Variants in COL5A2 observed in about 807,000 individuals in gnomAD.
The protein encoded by COL5A2 is collagen type V alpha 2 chain.
In COL5A2, 23 loss-of-function variants were observed where a neutral mutation model predicts 208.2. That is an observed-to-expected ratio of 0.11 (90% CI 0.08 to 0.16). COL5A2 has a LOEUF of 0.16. COL5A2 is among the 10% of genes least tolerant of loss of function. The pLI, the probability that COL5A2 is intolerant of heterozygous loss-of-function variation, is 1.00. For missense variants in COL5A2, 1,590 were observed against 1,956.4 expected, an observed-to-expected ratio of 0.81 and a Z score of 3.53; for synonymous variants, 625 against 628.5, an observed-to-expected ratio of 0.99 and a Z score of 0.08.
At chr2:189,353,442 T>C in the COL5A2 span, among the ~76,000 whole-genome samples, 1 of 152,230 alleles carries the variant, frequency 6.6e-6, no homozygotes, top group Non-Finnish European at 1.5e-5. Flanking sequence ...TTTTTCCATT[T>C]GTTTGTGTCC....
chr2:189,230,832 A>C, the COL5A2 span, among the ~76,000 whole-genome samples: 1 of 151,942 alleles, frequency 6.6e-6, no homozygotes, highest in Admixed American at 6.6e-5. Flanking sequence ...CAGTCAGTTC[A>C]CTTCTGGATA....
chr2:189,206,250 A>C (rs1471947989), intron 1 of COL5A2, among the ~76,000 whole-genome samples: 1 of 152,180 alleles, frequency 6.6e-6, no homozygotes, highest in African/African-American at 2.4e-5. Flanking sequence ...AACAGCCAAG[A>C]CTGAACCAAC....
At chr2:189,289,014 C>T in the COL5A2 span, among the ~76,000 whole-genome samples, 1 of 152,136 alleles carries the variant, frequency 6.6e-6, no homozygotes, top group Non-Finnish European at 1.5e-5. Context: ...ATCCATTTCG[C>T]TGAAAGTTTC....
In COL5A2 at chr2:189,058,450, T is replaced by C. The variant is rs1433077033; in HGVS notation, c.2208A>G (p.Gly736=). ...TTACTTTTGGGCCATCAGGACCATGTCCTCCAGCCATTCCCTTCTCACCAG... is the reference window on the plus strand; with the variant it reads ...TTACTTTTGGGCCATCAGGACCATGCCCTCCAGCCATTCCCTTCTCACCAG... ...GLPGEKGMAG[G]HGPDGPKGSP... Residue 736 remains glycine, a synonymous_variant, in exon 33 of 54, where the codon GGA becomes GGG. Transcript: ENST00000374866. The C allele has an allele frequency of 6.2e-7, 1 of 1,614,020 alleles. No homozygotes were observed. Among genetic ancestry groups the C allele is most frequent in the Non-Finnish European group, 8.5e-7 (1 of 1,179,900 alleles).
the COL5A2 span, among the ~76,000 whole-genome samples, chr2:189,314,008 C>A: frequency 1.3e-5 from 2 of 152,144 alleles, no homozygotes; most frequent in Non-Finnish European, 2.9e-5. Flanking sequence ...AACTTTAACA[C>A]CCCACCAACA....
chr2:189,232,338 C>T, the COL5A2 span, among the ~76,000 whole-genome samples: 1 of 151,610 alleles, frequency 6.6e-6, no homozygotes, highest in Non-Finnish European at 1.5e-5. Context: ...GCCATTTCTT[C>T]CATACCTCAC....
At chr2:189,191,163 C>CCAAAAAAAAAAAAAAAAAAAAAAAAA (rs748055610) in intron 1 of COL5A2, among the ~76,000 whole-genome samples, 14 of 72,286 alleles carry the variant, frequency 1.9e-4, no homozygotes, top group East Asian at 6.0e-4. Flanking sequence ...AAAAAACAAA[C>CCAAAAAAAAAAAAAAAAAAAAAAAAA]AAACAACAAA....
chr2:189,425,107 A>T, the COL5A2 span, among the ~76,000 whole-genome samples: 7 of 152,200 alleles, frequency 4.6e-5, no homozygotes, highest in Non-Finnish European at 7.4e-5. Flanking sequence ...CAAAGAAGGA[A>T]ATTAGACTCT....
At chr2:189,385,839 A>G in the COL5A2 span, among the ~76,000 whole-genome samples, 1 of 152,136 alleles carries the variant, frequency 6.6e-6, no homozygotes, top group Admixed American at 6.6e-5. Context: ...AGTACCAGGT[A>G]GACAAAAATA....
upstream of COL5A2, among the ~76,000 whole-genome samples, chr2:189,181,693 T>A (rs1688782600): frequency 6.6e-6 from 1 of 152,206 alleles, no homozygotes; most frequent in African/African-American, 2.4e-5. Context: ...ATGCTGGAGA[T>A]AAAACAATGA....
intron 1 of COL5A2, among the ~76,000 whole-genome samples, chr2:189,127,394 C>G (rs1687627883): frequency 6.6e-6 from 1 of 151,944 alleles, no homozygotes; most frequent in Non-Finnish European, 1.5e-5. Flanking sequence ...ATTTGCAGCT[C>G]TAACTAATAG....
chr2:189,183,183 A>G (rs934330053), upstream of COL5A2, among the ~76,000 whole-genome samples: 1 of 152,002 alleles, frequency 6.6e-6, no homozygotes, highest in African/African-American at 2.4e-5. Context: ...TTGTTGATAA[A>G]CCCAAAGATC....
At chr2:189,180,201 C>T (rs1201437596), upstream of COL5A2, among the ~76,000 whole-genome samples, 1 of 152,106 alleles carries the variant, frequency 6.6e-6, no homozygotes, top group East Asian at 1.9e-4. Context: ...TAAACAATCA[C>T]ATTTTAACCC....
At chr2:189,047,237 T>A (rs1041286332) in intron 45 of COL5A2, among the ~76,000 whole-genome samples, 11 of 152,142 alleles carry the variant, frequency 7.2e-5, no homozygotes, top group African/African-American at 1.9e-4. Flanking sequence ...TTAAAATAAG[T>A]AGAGAGATTT....
chr2:189,413,632 G>C, the COL5A2 span, among the ~76,000 whole-genome samples: 1 of 151,946 alleles, frequency 6.6e-6, no homozygotes, highest in Non-Finnish European at 1.5e-5. Flanking sequence ...TGTTAGGGAG[G>C]GGCCGGGTTC....
chr2:189,092,634 T>C (rs1686813172), intron 6 of COL5A2, among the ~76,000 whole-genome samples: 2 of 152,228 alleles, frequency 1.3e-5, no homozygotes, highest in Admixed American at 6.5e-5. Context: ...GTAAGAATTT[T>C]ATGTGGTGTG....
At chr2:189,355,479 A>G in the COL5A2 span, among the ~76,000 whole-genome samples, 1 of 150,904 alleles carries the variant, frequency 6.6e-6, no homozygotes, top group Admixed American at 6.6e-5. Flanking sequence ...TTGGGTGCAC[A>G]TATACTTGGG....
intron 38 of COL5A2, 117 bp downstream of exon 38, chr2:189,053,307 G>A (rs1008042467): frequency 5.3e-6 from 5 of 942,764 alleles, no homozygotes; most frequent in Admixed American, 4.0e-5. Flanking sequence ...TGAGAATATT[G>A]TCTAGAAAAC....
chr2:189,183,690 CT>C (rs1688810987), upstream of COL5A2, among the ~76,000 whole-genome samples: 1 of 152,144 alleles, frequency 6.6e-6, no homozygotes, highest in Non-Finnish European at 1.5e-5. Context: ...CCAAAGTCCT[CT>C]TGATTTTGTT....
Sources: allele counts gnomAD v4.1 joint callset (sites outside exome capture counted in the v4.1 genomes callset), GRCh38; gene constraint gnomAD v4.1.1; transcripts MANE v1.5; gene names NCBI Gene and HGNC (gene_info 2026-07-23, HGNC 2026-07-21).